The following NCOR2 variants were observed in gnomAD, a reference collection of about 807,000 sequenced individuals.
NCOR2 encodes the protein nuclear receptor corepressor 2, also known as CTG repeat protein 26.
In NCOR2, 81 loss-of-function variants were observed where a neutral mutation model predicts 262.9. That is an observed-to-expected ratio of 0.31 (90% CI 0.26 to 0.37). NCOR2 has a LOEUF of 0.37. NCOR2 is among the 10% of genes least tolerant of loss of function. NCOR2 has a pLI of 1.00. For synonymous variants in NCOR2, 1,659 were observed against 1,559.3 expected, an observed-to-expected ratio of 1.06 and a Z score of -1.51; for missense variants, 3,385 against 3,621.4, an observed-to-expected ratio of 0.93 and a Z score of 1.68.
chr12:124,432,294 G>A lies in NCOR2; in HGVS notation c.883-1507C>T, dbSNP rs1565938810. 6.6e-6 allele frequency among the ~76,000 whole-genome samples: 1 copy of A among 152,148 alleles called. No individual in the cohort carries two copies. The highest frequency in any genetic ancestry group is 1.5e-5 in the Non-Finnish European group (1 of 68,036). ...TAGTTGCATGGCTATCCAGCAGACG[G>A]GGGCCCCTGAAGAAAACCCACAGAC... On this transcript the variant is annotated intron_variant, in intron 8 of 46. Transcript: ENST00000405201. This position sits in a 1 kb window ranked among gnomAD's most constrained non-coding sequence, Gnocchi z 5.1.
In NCOR2 at chr12:124,376,361, A is replaced by G. The variant is rs530828376; in HGVS notation, c.2167+1876T>C. ...TCTGCTCCGGTTTTAATGTGTGGCC[A>G]TGGCTTGGCTTCCTGAAATGCTCCC... On this transcript the variant is annotated intron_variant, in intron 18 of 46. Coordinates refer to ENST00000405201, the Ensembl canonical transcript of NCOR2. 7.2e-5 allele frequency among the ~76,000 whole-genome samples: 11 copies of G among 152,296 alleles called. No individual in the cohort carries two copies. The East Asian group carries it at 1.7e-3, about 24-fold the overall frequency.
At chr12:124,445,139 G>A (rs1417172580) in intron 7 of NCOR2, among the ~76,000 whole-genome samples, 1 of 152,182 alleles carries the variant, frequency 6.6e-6, no homozygotes, top group African/African-American at 2.4e-5. Flanking sequence ...TGAGGGGGCC[G>A]GTGAACCAGG....
chr12:124,408,097 G>C (rs1316997489), intron 13 of NCOR2, among the ~76,000 whole-genome samples: 4 of 152,106 alleles, frequency 2.6e-5, no homozygotes, highest in African/African-American at 9.7e-5. Flanking sequence ...GCTCACGCCT[G>C]TAATCCCAGC....
At chr12:124,499,827 C>T (rs1389410628), upstream of NCOR2, among the ~76,000 whole-genome samples, 2 of 152,092 alleles carry the variant, frequency 1.3e-5, no homozygotes, top group African/African-American at 4.8e-5. Flanking sequence ...CGAGCAGGCA[C>T]TGGGGACAGC....
intron 31 of NCOR2, among the ~76,000 whole-genome samples, chr12:124,346,148 TA>T (rs2036907037): frequency 6.6e-6 from 1 of 152,072 alleles, no homozygotes; most frequent in South Asian, 2.1e-4. Context: ...TACTCAGCAA[TA>T]AAATAAGGTC....
In NCOR2 at chr12:124,466,157, G is replaced by C. The variant is rs1189078861; in HGVS notation, c.705+16C>G. Reference sequence around the variant, plus strand: ...GCCAGCACCGGGGGGCAGCAGGCCAGGGCGGGGACACATACCCGGTTCTCG... The same window carrying C: ...GCCAGCACCGGGGGGCAGCAGGCCACGGCGGGGACACATACCCGGTTCTCG... On this transcript the variant is annotated intron_variant, in intron 5 of 46. Transcript: ENST00000405201. 1 of 1,600,900 alleles carries C rather than the reference G, an allele frequency of 6.2e-7. No individual in the cohort carries two copies. The highest frequency in any genetic ancestry group is 1.1e-5 in the South Asian group (1 of 90,356).
chr12:124,462,287 C>T (rs1461877199), intron 5 of NCOR2, among the ~76,000 whole-genome samples: 2 of 152,192 alleles, frequency 1.3e-5, no homozygotes, highest in Non-Finnish European at 2.9e-5. Flanking sequence ...CATCCTAGCC[C>T]CTTCTCTGCC....
chr12:124,540,357 A>G (rs1474208842), upstream of NCOR2, among the ~76,000 whole-genome samples: 1 of 143,960 alleles, frequency 6.9e-6, no homozygotes, highest in Non-Finnish European at 1.5e-5. Context: ...GCAAAGGCCC[A>G]GGGGCAAGAA....
chr12:124,489,851 A>T (rs888120511), intron 1 of NCOR2, among the ~76,000 whole-genome samples: 3 of 152,086 alleles, frequency 2.0e-5, no homozygotes, highest in Admixed American at 2.0e-4. Context: ...GGGATGTTTG[A>T]GCATGGACTG....
At chr12:124,532,489 G>A (rs1034839552) in intron 1 of NCOR2, among the ~76,000 whole-genome samples, 1 of 152,242 alleles carries the variant, frequency 6.6e-6, no homozygotes, top group Admixed American at 6.5e-5. Context: ...CCTGCAAGGG[G>A]GCTCCTGGGA....
intron 1 of NCOR2, among the ~76,000 whole-genome samples, chr12:124,562,842 T>G (rs1243133828): frequency 6.6e-6 from 1 of 152,206 alleles, no homozygotes; most frequent in Non-Finnish European, 1.5e-5. Context: ...CAAGGAATTC[T>G]ATAGTGAAGT....
Position 124,344,757 on chromosome 12 carries a change from C to T in NCOR2, c.4554G>A (p.Ser1518=), listed in dbSNP as rs551690182. 133 of 1,548,740 alleles carry T rather than the reference C, an allele frequency of 8.6e-5. No individual in the cohort carries two copies. In the South Asian group the frequency reaches 1.1e-3, roughly 13 times the overall value. ...GGGCGCCGCGCGCAATGGAGCCCCCCGAGCTGCTGGCGGTCCCTGGCCGGC... is the reference window on the plus strand; with the variant it reads ...GGGCGCCGCGCGCAATGGAGCCCCCTGAGCTGCTGGCGGTCCCTGGCCGGC... Residue 1518 remains serine (S), a synonymous_variant, in exon 32 of 47, where the codon TCG becomes TCA. Transcript: ENST00000405201.
At chr12:124,442,711 C>G (rs1307446913) in intron 7 of NCOR2, among the ~76,000 whole-genome samples, 1 of 152,136 alleles carries the variant, frequency 6.6e-6, no homozygotes, top group East Asian at 1.9e-4. Flanking sequence ...CACCCCCAAC[C>G]CCAACTACAA....
At chr12:124,388,779 TGGGCG>T (rs1248445443) in intron 16 of NCOR2, 1 of 1,302,636 alleles carries the variant, frequency 7.7e-7, no homozygotes, top group African/African-American at 1.5e-5. Flanking sequence ...GCCGGCAGGC[TGGGCG>T]GCCGCGGTCG....
At chr12:124,391,773 C>A (rs1017490957) in intron 16 of NCOR2, among the ~76,000 whole-genome samples, 2 of 152,244 alleles carry the variant, frequency 1.3e-5, no homozygotes, top group Non-Finnish European at 2.9e-5. Flanking sequence ...TACGTCTTCT[C>A]CCAGCTCTCA....
intron 5 of NCOR2, among the ~76,000 whole-genome samples, chr12:124,459,241 G>A (rs1229510616): frequency 6.6e-6 from 1 of 152,050 alleles, no homozygotes; most frequent in Admixed American, 6.6e-5. Context: ...AACGGAAAGG[G>A]CCAAGCCACT....
At chr12:124,496,407 C>A (rs2048383258), upstream of NCOR2, among the ~76,000 whole-genome samples, 1 of 152,102 alleles carries the variant, frequency 6.6e-6, no homozygotes, top group East Asian at 1.9e-4. This position sits in a 1 kb window ranked among gnomAD's most constrained non-coding sequence, Gnocchi z 4.4. Context: ...TCTCCAGCAC[C>A]CCCACAATTG....
At chr12:124,515,801 T>C (rs1037381769) in intron 1 of NCOR2, among the ~76,000 whole-genome samples, 2 of 152,060 alleles carry the variant, frequency 1.3e-5, no homozygotes, top group African/African-American at 2.4e-5. Flanking sequence ...CATGTGTGAG[T>C]GTGCGCGTAT....
In NCOR2 at chr12:124,326,171, T is replaced by C; in HGVS notation, c.7363+20A>G. On this transcript the variant is annotated intron_variant, in intron 46 of 46. Coordinates refer to ENST00000405201, the Ensembl canonical transcript of NCOR2. ...GTTGGGGGCTCAGCGAGCCCAGCCC[T>C]GTCCCCACCTGGTGCCCACCTGCGG... 2 of 1,497,132 alleles carry C rather than the reference T, an allele frequency of 1.3e-6. No individual in the cohort carries two copies. The highest frequency in any genetic ancestry group is 1.8e-6 in the Non-Finnish European group (2 of 1,127,784). The allele number at this position is 1,497,132 out of a possible 1,614,324, so 92.7% of individuals were successfully genotyped here.
Sources: allele counts gnomAD v4.1 joint callset (sites outside exome capture counted in the v4.1 genomes callset), GRCh38; gene constraint gnomAD v4.1.1; non-coding constraint Gnocchi (gnomAD v3.1); transcripts MANE v1.5; gene names NCBI Gene and HGNC (gene_info 2026-07-23, HGNC 2026-07-21).